The following MAMDC2 variants were observed in gnomAD, a reference collection of about 807,000 sequenced individuals.
MAMDC2 encodes the protein MAM domain containing 2, also known as MAM domain-containing protein 2.
Under a neutral mutation model 89.8 loss-of-function variants are expected in MAMDC2, and 57 were observed. The ratio of observed to expected loss-of-function variants is 0.63; its 90% CI spans 0.51 to 0.79. The LOEUF (loss-of-function observed/expected upper bound fraction) is 0.79. Ranked by LOEUF, MAMDC2 falls within the 30% of genes least tolerant of loss-of-function variation. The probability of loss-of-function intolerance (pLI) is 0.00; values close to 1 mark genes in which losing one functional copy is unlikely to be tolerated. For missense variants in MAMDC2, 800 were observed against 820.6 expected (o/e 0.97, Z 0.31); for synonymous variants, 313 against 293.4 (o/e 1.07, Z -0.68).
intron 2 of MAMDC2, among the ~76,000 whole-genome samples, chr9:70,046,205 G>A (rs556502528): frequency 3.9e-5 from 6 of 152,300 alleles, no homozygotes; most frequent in African/African-American, 1.4e-4. Context: ...CTGATTCAGG[G>A]GGCCTGAGAA....
intron 11 of MAMDC2, among the ~76,000 whole-genome samples, chr9:70,175,557 C>T (rs1171560129): frequency 1.3e-5 from 2 of 152,044 alleles, no homozygotes; most frequent in Non-Finnish European, 2.9e-5. Flanking sequence ...ATAAATTAAA[C>T]TTCATCATAA....
intron 11 of MAMDC2, among the ~76,000 whole-genome samples, chr9:70,208,156 C>T (rs993057151): frequency 6.6e-6 from 1 of 152,080 alleles, no homozygotes; most frequent in Non-Finnish European, 1.5e-5. Flanking sequence ...TAGTTTTTTC[C>T]AATTCTGTGA....
chr9:70,084,097 C>T (rs1827714804), intron 2 of MAMDC2, among the ~76,000 whole-genome samples: 1 of 152,092 alleles, frequency 6.6e-6, no homozygotes, highest in African/African-American at 2.4e-5. Context: ...TCCTTGGCAT[C>T]AAAATATGTT....
At chr9:70,212,629 G>A (rs867199156) in intron 11 of MAMDC2, among the ~76,000 whole-genome samples, 8 of 152,156 alleles carry the variant, frequency 5.3e-5, no homozygotes, top group African/African-American at 1.2e-4. Flanking sequence ...GGCTGCATCC[G>A]CTGTCCAATA....
intron 2 of MAMDC2, among the ~76,000 whole-genome samples, chr9:70,049,716 G>A (rs1489981272): frequency 6.6e-6 from 1 of 152,234 alleles, no homozygotes; most frequent in Non-Finnish European, 1.5e-5. Context: ...CCCTCTGGGA[G>A]AGATGGTCGA....
intron 2 of MAMDC2, among the ~76,000 whole-genome samples, chr9:70,052,789 C>T (rs1826941570): frequency 6.6e-6 from 1 of 152,138 alleles, no homozygotes; most frequent in South Asian, 2.1e-4. Context: ...TTTAGTAATC[C>T]TTCCTACCAT....
chr9:70,136,237 A>G (rs1206542823), intron 7 of MAMDC2, among the ~76,000 whole-genome samples: 1 of 152,190 alleles, frequency 6.6e-6, no homozygotes, highest in East Asian at 1.9e-4. Flanking sequence ...TGTTCTTTTT[A>G]CTGTCCCCAT....
At chr9:70,045,081 G>C (rs1193328080) in intron 2 of MAMDC2, among the ~76,000 whole-genome samples, 1 of 152,260 alleles carries the variant, frequency 6.6e-6, no homozygotes, top group Non-Finnish European at 1.5e-5. Flanking sequence ...TGTGAGTTGG[G>C]AAAAGTTGCA....
At chr9:70,138,841 A>G (rs1233017956) in intron 7 of MAMDC2, among the ~76,000 whole-genome samples, 1 of 152,110 alleles carries the variant, frequency 6.6e-6, no homozygotes, top group African/African-American at 2.4e-5. Flanking sequence ...GACCTGCACA[A>G]TTTAAACTGA....
At chr9:70,196,855 C>T (rs1012785478) in intron 11 of MAMDC2, among the ~76,000 whole-genome samples, 1 of 152,030 alleles carries the variant, frequency 6.6e-6, no homozygotes, top group Non-Finnish European at 1.5e-5. Flanking sequence ...CTCTTAAAAA[C>T]AAAAATTAAC....
chr9:70,184,926 G>A (rs994553479), intron 11 of MAMDC2, among the ~76,000 whole-genome samples: 9 of 152,094 alleles, frequency 5.9e-5, no homozygotes, highest in Non-Finnish European at 1.0e-4. Flanking sequence ...CCTTGCTGGA[G>A]AAGAGTTCTG....
At chr9:70,097,749 A>G (rs967610163) in intron 2 of MAMDC2, among the ~76,000 whole-genome samples, 5 of 152,136 alleles carry the variant, frequency 3.3e-5, no homozygotes, top group Non-Finnish European at 5.9e-5. Flanking sequence ...CATCCTCAGT[A>G]TGCTGGCTTC....
intron 4 of MAMDC2, among the ~76,000 whole-genome samples, chr9:70,111,740 G>A (rs1468921209): frequency 6.6e-6 from 1 of 152,198 alleles, no homozygotes. Context: ...CAGGAAGGAG[G>A]AAACAGAGGG....
Position 70,118,297 on chromosome 9 carries a change from A to AACACACACACACACACAC in MAMDC2, c.643+5199_643+5216dup, listed in dbSNP as rs6151026. Among the ~76,000 whole-genome samples the AACACACACACACACACAC allele has an allele frequency of 8.6e-3, 1,205 of 140,448 alleles. 38 individuals carry two copies. Among genetic ancestry groups the AACACACACACACACACAC allele is most frequent in the African/African-American group, 0.021 (746 of 35,676 alleles). The allele number at this position is 140,448 out of a possible 152,430, so 92.1% of individuals were successfully genotyped here. A position where few individuals can be genotyped will look rare whatever the true frequency, so the allele number is the denominator to read the frequency against. ...CATTCATTAGCCAACATCCCCACTCAACACACACACACACACACACACACA... is the reference window on the plus strand; with the variant it reads ...CATTCATTAGCCAACATCCCCACTCAACACACACACACACACACACACACACACACACACACACACACA... On this transcript the variant is annotated intron_variant, in intron 5 of 13. Coordinates refer to ENST00000377182, the MANE Select transcript of MAMDC2 (RefSeq NM_153267.5).
chr9:70,132,049 T>C (rs950597387), intron 7 of MAMDC2, among the ~76,000 whole-genome samples: 6 of 152,192 alleles, frequency 3.9e-5, no homozygotes, highest in African/African-American at 1.4e-4. Flanking sequence ...AATGGCCTCA[T>C]GTTTAAAGAC....
At position 70,113,026 on chromosome 9, in the gene MAMDC2, C is replaced by T. The variant is rs749590966; in HGVS notation, c.537C>T (p.Gly179=). ...ACTTTGAAGAAAATCATCTCTGTGG[C>T]TTTGTGAACCGCTGGAATCCCAATG... The part of the protein sequence containing the change: ...ECDFEENHLC[G]FVNRWNPNVN... The change falls in exon 5 of 14, where the codon GGC becomes GGT. Residue 179 remains glycine, a synonymous_variant. Transcript: ENST00000377182. 6.2e-7 allele frequency: 1 copy of T among 1,614,146 alleles called. No individual in the cohort carries two copies. The highest frequency in any genetic ancestry group is 1.7e-4 in the Middle Eastern group (1 of 6,060).
chr9:70,182,876 T>C (rs1041679858), intron 11 of MAMDC2, among the ~76,000 whole-genome samples: 2 of 152,210 alleles, frequency 1.3e-5, no homozygotes, highest in African/African-American at 4.8e-5. Context: ...ATCTTCATTA[T>C]TTCTTGTCTT....
intron 2 of MAMDC2, among the ~76,000 whole-genome samples, chr9:70,062,007 C>T (rs1230825716): frequency 4.6e-5 from 7 of 152,168 alleles, no homozygotes; most frequent in Non-Finnish European, 7.3e-5. Flanking sequence ...AATGGTCACA[C>T]CCAAGCCTTG....
intron 11 of MAMDC2, among the ~76,000 whole-genome samples, chr9:70,186,175 T>A (rs1393152602): frequency 6.6e-6 from 1 of 152,154 alleles, no homozygotes; most frequent in African/African-American, 2.4e-5. Context: ...AAGTATTCTA[T>A]ATTTATTCAC....
Sources: gnomAD v4.1 joint callset for allele counts (sites outside exome capture counted in the v4.1 genomes callset) on GRCh38, gnomAD v4.1.1 for gene constraint, MANE v1.5 for transcripts, NCBI Gene and HGNC (gene_info 2026-07-23, HGNC 2026-07-21) for gene names.